The following BBS2 variants were observed in gnomAD, a reference collection of about 807,000 sequenced individuals.
BBS2 encodes the protein BBSome complex member BBS2.
In BBS2, 62 loss-of-function variants were observed where a neutral mutation model predicts 83.0. The observed-to-expected ratio is 0.75, with a 90% CI of 0.61 to 0.92. The LOEUF (loss-of-function observed/expected upper bound fraction) is 0.92, where lower values mean the gene tolerates loss of function less well. Ranked by LOEUF, BBS2 falls within the 40% of genes least tolerant of loss-of-function variation. The pLI, the probability that BBS2 is intolerant of heterozygous loss-of-function variation, is 0.00. For missense variants in BBS2, 784 were observed against 901.0 expected, an observed-to-expected ratio of 0.87 and a Z score of 1.66; for synonymous variants, 303 against 326.1, an observed-to-expected ratio of 0.93 and a Z score of 0.76.
intron 14 of BBS2, 160 bp from the exon 15 acceptor site, chr16:56,497,239 A>T: frequency 2.9e-6 from 2 of 678,150 alleles, no homozygotes; most frequent in Non-Finnish European, 5.4e-6. Flanking sequence ...TGTCTCAACA[A>T]GTTAACTCAT....
chr16:56,479,647 T>C (rs1333906552), downstream of BBS2, among the ~76,000 whole-genome samples: 1 of 152,230 alleles, frequency 6.6e-6, no homozygotes, highest in Admixed American at 6.5e-5. Context: ...CCCAGAACTC[T>C]CTTCCCTATG....
chr16:56,501,030 AG>A lies in BBS2; in HGVS notation c.1226-6del. On this transcript the variant is annotated splice_polypyrimidine_tract_variant and splice_region_variant and intron_variant, in intron 10 of 16. Coordinates refer to ENST00000245157, the MANE Select transcript of BBS2 (RefSeq NM_031885.5). ...ATACTGCTCGGATGATGGTGTCTGC[AG>A]GGAAGAGTAAAAACAGTTTAAGAAC... is the stretch of plus-strand genomic sequence containing the variant. 6.2e-7 allele frequency: 1 copy of A among 1,614,166 alleles called. No individual in the cohort carries two copies. The highest frequency in any genetic ancestry group is 8.5e-7 in the Non-Finnish European group (1 of 1,180,022).
chr16:56,480,350 C>CAAAAA (rs1356996256), downstream of BBS2, among the ~76,000 whole-genome samples: 1 of 27,324 alleles, frequency 3.7e-5, no homozygotes, highest in East Asian at 5.6e-4. Flanking sequence ...CACACACACA[C>CAAAAA]ACAAAAAAAA....
At chr16:56,482,505 C>T (rs532986561), downstream of BBS2, among the ~76,000 whole-genome samples, 7 of 152,212 alleles carry the variant, frequency 4.6e-5, no homozygotes, top group African/African-American at 1.7e-4. Flanking sequence ...GAAAATAATA[C>T]AGTGTATGTG....
chr16:56,497,652 TATAAC>T lies in BBS2; in HGVS notation c.1797+86_1797+90del, dbSNP rs1243128242. On this transcript the variant is annotated intron_variant, in intron 14 of 16. Coordinates refer to ENST00000245157, the MANE Select transcript of BBS2 (RefSeq NM_031885.5). ...TTGCAAAAATTCTTGAAAACATCAC[TATAAC>T]ATAAGTACATTTGTAGTACCATTAA... 8.7e-5 allele frequency: 135 copies of T among 1,560,204 alleles called. No homozygotes were observed. The African/African-American group carries it at 1.6e-3, about 18-fold the overall frequency.
intron 2 of BBS2, among the ~76,000 whole-genome samples, chr16:56,511,898 A>T (rs1333705311): frequency 6.6e-6 from 1 of 152,224 alleles, no homozygotes. Context: ...CAAAAGACAC[A>T]TGCCTAGTGG....
At chr16:56,507,079 T>C (rs1964440348) in intron 5 of BBS2, among the ~76,000 whole-genome samples, 1 of 152,238 alleles carries the variant, frequency 6.6e-6, no homozygotes, top group African/African-American at 2.4e-5. Flanking sequence ...CAAAGTGCTG[T>C]GTAGGATTCC....
At position 56,471,953 on chromosome 16, in the gene BBS2, CTGTT is replaced by C. The variant is rs35730390; in HGVS notation, c.*1-1262_*1-1259del. Among the ~76,000 whole-genome samples, 450 of 151,498 alleles carry C rather than the reference CTGTT, an allele frequency of 3.0e-3. 1 individual carries two copies. The highest frequency in any genetic ancestry group is 5.5e-3 in the Admixed American group (84 of 15,242). On this transcript the variant is annotated intron_variant, in intron 17 of 17. Transcript: ENST00000682047. ...GATTTTTTAAAAAACTTATCCACTT[CTGTT>C]TGTTTGTTTGTTTGTTTGTTTTGAG...
chr16:56,475,353 T>C (rs1256717950), intron 17 of BBS2, among the ~76,000 whole-genome samples: 1 of 152,194 alleles, frequency 6.6e-6, no homozygotes, highest in East Asian at 1.9e-4. Flanking sequence ...CATGATAAAC[T>C]AGATGATAAG....
downstream of BBS2, among the ~76,000 whole-genome samples, chr16:56,480,351 A>AC (rs1221464555): frequency 1.9e-3 from 233 of 120,846 alleles, 2 homozygotes; most frequent in East Asian, 4.2e-3. Context: ...ACACACACAC[A>AC]CAAAAAAAAA....
intron 1 of BBS2, among the ~76,000 whole-genome samples, chr16:56,518,213 G>A (rs1174220931): frequency 6.6e-6 from 1 of 152,028 alleles, no homozygotes; most frequent in Non-Finnish European, 1.5e-5. Context: ...TGAAAATGAA[G>A]CCTTATTTTT....
intron 15 of BBS2, among the ~76,000 whole-genome samples, chr16:56,492,080 T>TTTAATGA (rs1265936979): frequency 1.8e-4 from 28 of 151,470 alleles, no homozygotes; most frequent in African/African-American, 6.3e-4. Flanking sequence ...ATTTTTAATT[T>TTTAATGA]TTAATGATTA....
chr16:56,507,628 C>G (rs1964457514), intron 5 of BBS2, among the ~76,000 whole-genome samples: 1 of 151,900 alleles, frequency 6.6e-6, no homozygotes, highest in Admixed American at 6.6e-5. Flanking sequence ...GTAATGAAGG[C>G]TCCGGGCCCT....
chr16:56,491,232 G>A (rs577743487), intron 15 of BBS2, among the ~76,000 whole-genome samples: 17 of 152,280 alleles, frequency 1.1e-4, no homozygotes, highest in African/African-American at 3.8e-4. Context: ...CAGCACAGCA[G>A]TGTTGGGAGG....
intron 5 of BBS2, 65 bp downstream of exon 5, chr16:56,509,892 G>GT: frequency 6.4e-7 from 1 of 1,551,244 alleles, no homozygotes; most frequent in Non-Finnish European, 8.9e-7. Context: ...CTCACTTGAT[G>GT]TTTCATCTGA....
At chr16:56,519,167 C>A (rs1353263540) in intron 1 of BBS2, among the ~76,000 whole-genome samples, 1 of 151,752 alleles carries the variant, frequency 6.6e-6, no homozygotes, top group African/African-American at 2.4e-5. Flanking sequence ...CCTGTCTCTA[C>A]TAAAAATACA....
At chr16:56,475,530 T>G (rs1257913974) in intron 17 of BBS2, 2 of 1,614,108 alleles carry the variant, frequency 1.2e-6, no homozygotes, top group Non-Finnish European at 1.7e-6. Flanking sequence ...ATATGGCGGT[T>G]TTACTTCTTA....
At chr16:56,472,026 A>G (rs1395978228) in intron 17 of BBS2, among the ~76,000 whole-genome samples, 2 of 152,108 alleles carry the variant, frequency 1.3e-5, no homozygotes, top group African/African-American at 2.4e-5. Context: ...CAGTGGTGCA[A>G]TCACAGCTCA....
intron 15 of BBS2, among the ~76,000 whole-genome samples, chr16:56,494,132 T>TC (rs1195116536): frequency 1.6e-4 from 23 of 147,752 alleles, no homozygotes; most frequent in Admixed American, 1.5e-3. Flanking sequence ...CTAATTTTTT[T>TC]TTTTTTTTTT....
Sources: gnomAD v4.1 joint callset for allele counts (sites outside exome capture counted in the v4.1 genomes callset) on GRCh38, gnomAD v4.1.1 for gene constraint, MANE v1.5 for transcripts, NCBI Gene and HGNC (gene_info 2026-07-23, HGNC 2026-07-21) for gene names.